Variants in RNF38 observed in about 807,000 individuals in gnomAD.
The protein encoded by RNF38 is E3 ubiquitin-protein ligase RNF38.
A neutral mutation model predicts 67.2 loss-of-function variants in RNF38; 15 were observed. The ratio of observed to expected loss-of-function variants is 0.22; its 90% CI spans 0.15 to 0.34. The LOEUF (loss-of-function observed/expected upper bound fraction) is 0.34. RNF38 is among the 10% of genes least tolerant of loss of function. The probability of loss-of-function intolerance (pLI) is 1.00; values close to 1 mark genes in which losing one functional copy is unlikely to be tolerated. For synonymous variants in RNF38, 220 were observed against 218.8 expected, an observed-to-expected ratio of 1.01 and a Z score of -0.05; for missense variants, 524 against 639.9, an observed-to-expected ratio of 0.82 and a Z score of 1.95.
intron 9 of RNF38, among the ~76,000 whole-genome samples, 198 bp from the exon 10 acceptor site, chr9:36,345,151 G>C (rs1025849954): frequency 6.6e-6 from 1 of 152,020 alleles, no homozygotes; most frequent in African/African-American, 2.4e-5. Flanking sequence ...TGAGTATCTG[G>C]AGCTACAATT....
intron 8 of RNF38, 71 bp downstream of exon 8, chr9:36,352,671 G>A: frequency 9.0e-7 from 1 of 1,114,030 alleles, no homozygotes; most frequent in Non-Finnish European, 1.4e-6. Context: ...TAGACACAAA[G>A]ACATTCACAA....
At chr9:36,412,898 C>T (rs767794326) in intron 2 of RNF38, among the ~76,000 whole-genome samples, 63 of 152,262 alleles carry the variant, frequency 4.1e-4, no homozygotes, top group Middle Eastern at 6.8e-3. Context: ...CATGGTGAAA[C>T]CCTATCTCTA....
At chr9:36,382,184 T>C (rs560841387) in intron 2 of RNF38, among the ~76,000 whole-genome samples, 2 of 152,324 alleles carry the variant, frequency 1.3e-5, no homozygotes, top group Admixed American at 1.3e-4. Context: ...CAATTTAAAA[T>C]TCATAAGATG....
At chr9:36,417,295 T>G (rs1356549547) in intron 2 of RNF38, among the ~76,000 whole-genome samples, 3 of 152,208 alleles carry the variant, frequency 2.0e-5, no homozygotes. Flanking sequence ...TTTACTGTTA[T>G]GTTCCTGCGG....
chr9:36,394,265 C>G (rs1404089784), intron 1 of RNF38, among the ~76,000 whole-genome samples: 1 of 151,570 alleles, frequency 6.6e-6, no homozygotes, highest in Non-Finnish European at 1.5e-5. Context: ...CAGAGCAAGA[C>G]TGTCTCAAAA....
In RNF38 at chr9:36,337,333, G is replaced by C. The variant is rs1340881563; in HGVS notation, c.*2419C>G. The C allele has an allele frequency of 6.5e-6, 1 of 152,788 alleles. No homozygotes were observed. The highest frequency in any genetic ancestry group is 1.5e-5 in the Non-Finnish European group (1 of 68,050). 9.5% of individuals were successfully genotyped at this position (152,788 alleles called of 1,614,324 possible). ...AGACATTCCCAAAGATCAGTCACTA[G>C]AGTGCAACAACGAAATTCAAGATTT... is the stretch of plus-strand genomic sequence containing the variant. On this transcript the variant is annotated 3_prime_UTR_variant, in exon 12 of 12. Transcript: ENST00000259605.
At chr9:36,375,447 T>C (rs1208182086) in intron 3 of RNF38, among the ~76,000 whole-genome samples, 1 of 152,294 alleles carries the variant, frequency 6.6e-6, no homozygotes, top group African/African-American at 2.4e-5. Context: ...CCACTTTGGC[T>C]TCCCAAAATG....
At chr9:36,377,627 T>C (rs757064415) in intron 2 of RNF38, among the ~76,000 whole-genome samples, 5 of 152,182 alleles carry the variant, frequency 3.3e-5, no homozygotes, top group Admixed American at 6.5e-5. Context: ...AACTGTACAG[T>C]CGTCCCTCAG....
At chr9:36,355,556 T>C (rs1452675092) in intron 6 of RNF38, among the ~76,000 whole-genome samples, 1 of 152,188 alleles carries the variant, frequency 6.6e-6, no homozygotes, top group African/African-American at 2.4e-5. Flanking sequence ...TTAATTTCCT[T>C]GCCTAAATGA....
intron 2 of RNF38, among the ~76,000 whole-genome samples, chr9:36,415,974 A>T (rs899758631): frequency 6.6e-6 from 1 of 151,824 alleles, no homozygotes; most frequent in Non-Finnish European, 1.5e-5. Flanking sequence ...TACAACATCG[A>T]CTGCAGTAGT....
At chr9:36,447,421 C>T (rs1839332814) in intron 1 of RNF38, among the ~76,000 whole-genome samples, 2 of 152,084 alleles carry the variant, frequency 1.3e-5, no homozygotes, top group African/African-American at 4.8e-5. Context: ...AGCCATGATA[C>T]GAATTCATTT....
chr9:36,392,059 C>T (rs892407731), intron 1 of RNF38, among the ~76,000 whole-genome samples: 3 of 152,176 alleles, frequency 2.0e-5, no homozygotes, highest in South Asian at 2.1e-4. Context: ...AACTGCAAAA[C>T]GTTTAGTATG....
intron 5 of RNF38, among the ~76,000 whole-genome samples, chr9:36,356,933 T>C (rs957167906): frequency 6.6e-6 from 1 of 152,340 alleles, no homozygotes; most frequent in African/African-American, 2.4e-5. Flanking sequence ...AGTATTTTAG[T>C]TCCCAAATTT....
At chr9:36,357,261 G>C (rs892870631) in intron 5 of RNF38, among the ~76,000 whole-genome samples, 4 of 152,204 alleles carry the variant, frequency 2.6e-5, no homozygotes, top group African/African-American at 9.6e-5. Flanking sequence ...CACTGAGCAA[G>C]TCATATTTAA....
At chr9:36,386,619 T>C (rs374102188) in intron 2 of RNF38, among the ~76,000 whole-genome samples, 4 of 152,246 alleles carry the variant, frequency 2.6e-5, no homozygotes, top group East Asian at 1.9e-4. Context: ...CAGGATGAGA[T>C]AGGAGGTCAG....
chr9:36,487,393 G>C (rs1840443382), exon 1 of RNF38: 12 of 982,670 alleles, frequency 1.2e-5, no homozygotes, highest in Non-Finnish European at 1.4e-5. Context: ...GGCGGTCCGT[G>C]GCGGCGGGCT....
Position 36,469,916 on chromosome 9 carries a change from C to T in RNF38, n.241+17392G>A, listed in dbSNP as rs368846605. 6.4e-4 allele frequency among the ~76,000 whole-genome samples: 97 copies of T among 152,234 alleles called. No homozygotes were observed. In the South Asian group the frequency reaches 0.019, roughly 30 times the overall value. ...TCACTGGAGCCTGGGGAGATCGAGA[C>T]TGCAGTGAGCCAGGATCATGCCACT... On this transcript the variant is annotated intron_variant and non_coding_transcript_variant, in intron 1 of 3. Coordinates refer to the RNF38 transcript ENST00000488058.
chr9:36,435,956 A>C (rs1839056434), intron 1 of RNF38, among the ~76,000 whole-genome samples: 1 of 152,068 alleles, frequency 6.6e-6, no homozygotes, highest in Admixed American at 6.6e-5. Context: ...TACACCACAA[A>C]CCTAATCCAG....
chr9:36,481,394 C>T (rs10814392), intron 1 of RNF38, among the ~76,000 whole-genome samples: 24,904 of 152,184 alleles, frequency 0.16, 2,254 homozygotes, highest in Admixed American at 0.22. Context: ...TCCAACATCA[C>T]TGCAGTTAAC....
Sources: gnomAD v4.1 joint callset for allele counts (sites outside exome capture counted in the v4.1 genomes callset) on GRCh38, gnomAD v4.1.1 for gene constraint, MANE v1.5 for transcripts, NCBI Gene and HGNC (gene_info 2026-07-23, HGNC 2026-07-21) for gene names.